The following MORC1 variants were observed in gnomAD, a reference collection of about 807,000 sequenced individuals.
MORC1 encodes the protein MORC family CW-type zinc finger protein 1.
In MORC1, 59 loss-of-function variants were observed where a neutral mutation model predicts 134.9. The ratio of observed to expected loss-of-function variants is 0.44; its 90% CI spans 0.35 to 0.54. The LOEUF (loss-of-function observed/expected upper bound fraction) is 0.54, where lower values mean the gene tolerates loss of function less well. MORC1 is among the 20% of genes least tolerant of loss of function. The pLI is 0.00. For missense variants in MORC1, 947 were observed against 1,134.5 expected (o/e 0.83, Z 2.37); for synonymous variants, 395 against 391.7 (o/e 1.01, Z -0.10).
chr3:109,015,666 A>G (rs919703665), intron 17 of MORC1, among the ~76,000 whole-genome samples: 2 of 152,220 alleles, frequency 1.3e-5, no homozygotes, highest in East Asian at 3.8e-4. Context: ...TCATATGCAT[A>G]GAAACTTCTT....
At chr3:109,093,373 G>T (rs1950766277) in intron 8 of MORC1, 63 bp downstream of exon 8, 3 of 1,228,224 alleles carry the variant, frequency 2.4e-6, no homozygotes, top group Non-Finnish European at 3.6e-6. Context: ...GAGCCAGGAT[G>T]CAGGGCTCCT....
chr3:109,063,321 A>T (rs941953801), intron 9 of MORC1, 90 bp from the exon 10 acceptor site: 2 of 697,330 alleles, frequency 2.9e-6, no homozygotes, highest in Admixed American at 4.8e-5. Flanking sequence ...TATGCTCCAG[A>T]GATACATAAT....
chr3:108,996,116 A>T (rs959408166), intron 21 of MORC1, among the ~76,000 whole-genome samples: 2 of 152,102 alleles, frequency 1.3e-5, no homozygotes, highest in African/African-American at 4.8e-5. Context: ...AATTTTTCCC[A>T]TCTGTAAAAT....
chr3:109,023,564 T>A (rs898033556), intron 17 of MORC1, among the ~76,000 whole-genome samples: 5 of 152,176 alleles, frequency 3.3e-5, no homozygotes, highest in African/African-American at 1.2e-4. Flanking sequence ...GGATTTTAGA[T>A]GGTACCATAA....
At chr3:108,983,797 G>A (rs1388419900) in intron 23 of MORC1, among the ~76,000 whole-genome samples, 2 of 152,186 alleles carry the variant, frequency 1.3e-5, no homozygotes, top group Non-Finnish European at 2.9e-5. Context: ...AAATGAAAGG[G>A]TAACTGACAC....
At chr3:109,018,913 C>T (rs1948888573) in intron 17 of MORC1, 1 of 152,148 alleles carries the variant, frequency 6.6e-6, no homozygotes, top group Non-Finnish European at 1.5e-5. Flanking sequence ...AGGAACTCCT[C>T]GACTGTGTCC....
In MORC1 at chr3:109,062,028, T is replaced by C; in HGVS notation, c.926A>G (p.Lys309Arg). 2 of 1,614,092 alleles carry C rather than the reference T, an allele frequency of 1.2e-6. No individual in the cohort carries two copies. The highest frequency in any genetic ancestry group is 1.7e-6 in the Non-Finnish European group (2 of 1,179,976). Residue 309 changes from lysine to arginine, a missense_variant, in exon 11 of 28, where the codon AAA becomes AGA. This residue lies in a region of MORC1 where 722 missense variants were observed against 817.0 expected (regional missense o/e 0.88). Coordinates refer to ENST00000232603, the MANE Select transcript of MORC1 (RefSeq NM_014429.4). ...AGAGGTTCTGTCACACTGGTTTACTTTGATTTGTGCTTCTTTCAATATGGA... is the reference window on the plus strand; with the variant it reads ...AGAGGTTCTGTCACACTGGTTTACTCTGATTTGTGCTTCTTTCAATATGGA... ...AESILKEAQI[K>R]VNQCDRTSLS...
At chr3:109,027,693 A>ATT in intron 17 of MORC1, 58 bp downstream of exon 17, 1 of 1,606,578 alleles carries the variant, frequency 6.2e-7, no homozygotes, top group Admixed American at 1.7e-5. Flanking sequence ...ATTTGCACAT[A>ATT]TGAAACCAAC....
intron 24 of MORC1, among the ~76,000 whole-genome samples, chr3:108,972,289 G>C (rs1435723415): frequency 1.3e-5 from 2 of 152,006 alleles, no homozygotes; most frequent in African/African-American, 2.4e-5. Flanking sequence ...AAAGTGTATA[G>C]TATTCTAATG....
intron 14 of MORC1, among the ~76,000 whole-genome samples, chr3:109,036,641 A>G (rs1486857150): frequency 6.6e-6 from 1 of 152,138 alleles, no homozygotes; most frequent in Admixed American, 6.5e-5. Context: ...TAAATGACCT[A>G]ACACTTTATT....
intron 11 of MORC1, among the ~76,000 whole-genome samples, chr3:109,060,757 G>T (rs1019224266): frequency 1.3e-5 from 2 of 152,018 alleles, no homozygotes; most frequent in Non-Finnish European, 2.9e-5. Context: ...GGACAAATTG[G>T]TCAAGGACTT....
In MORC1 at chr3:108,963,527, C is replaced by T. The variant is rs143747614; in HGVS notation, c.2686G>A (p.Gly896Arg). The change falls in exon 27 of 28, where the codon GGA becomes AGA. Residue 896 changes from glycine (G) to arginine (R), a missense_variant. By Grantham distance (125) the Gly-to-Arg change is moderately radical. Coordinates refer to ENST00000232603, the MANE Select transcript of MORC1 (RefSeq NM_014429.4). ...CCCAGAGAGATTTCATTATGTATTCCTCTTGTATTTGAATCATAGATAATG... is the reference window on the plus strand; with the variant it reads ...CCCAGAGAGATTTCATTATGTATTCTTCTTGTATTTGAATCATAGATAATG... ...QSIIYDSNTRGIHNEISLGQC... is the reference protein window; with the variant it reads ...QSIIYDSNTRRIHNEISLGQC... The T allele has an allele frequency of 3.7e-6, 6 of 1,606,478 alleles. No individual in the cohort carries two copies. Among genetic ancestry groups the T allele is most frequent in the Non-Finnish European group, 5.1e-6 (6 of 1,175,332 alleles).
chr3:109,114,540 T>C, intron 1 of MORC1, 103 bp from the exon 2 acceptor site: 3 of 953,174 alleles, frequency 3.1e-6, no homozygotes, highest in Non-Finnish European at 4.8e-6. Flanking sequence ...TCCAGACATC[T>C]AGTGAATTAA....
At chr3:109,075,299 T>C (rs1014247825) in intron 8 of MORC1, among the ~76,000 whole-genome samples, 6 of 152,122 alleles carry the variant, frequency 3.9e-5, no homozygotes, top group Admixed American at 1.3e-4. Flanking sequence ...CTATTAATAG[T>C]GTGAAGAATA....
chr3:109,042,249 G>T (rs532312970), intron 14 of MORC1, among the ~76,000 whole-genome samples: 25 of 152,268 alleles, frequency 1.6e-4, no homozygotes, highest in African/African-American at 5.8e-4. Context: ...TTCCACTGCT[G>T]GGTATATACA....
intron 8 of MORC1, among the ~76,000 whole-genome samples, chr3:109,090,227 T>C (rs770370683): frequency 1.3e-5 from 2 of 152,104 alleles, no homozygotes; most frequent in Non-Finnish European, 2.9e-5. Context: ...TTGACGTGAT[T>C]GTCATCTTGA....
intron 16 of MORC1, among the ~76,000 whole-genome samples, chr3:109,031,638 G>A (rs1949243409): frequency 6.6e-6 from 1 of 152,128 alleles, no homozygotes; most frequent in African/African-American, 2.4e-5. Flanking sequence ...TCTTAGCCTG[G>A]ATTTGCGTTT....
In MORC1 at chr3:108,987,992, T is replaced by A. The variant is rs567145337; in HGVS notation, c.2188-1043A>T. On this transcript the variant is annotated intron_variant, in intron 21 of 27. Coordinates refer to ENST00000232603, the MANE Select transcript of MORC1 (RefSeq NM_014429.4). ...ACGCAACCATGTCCCCATCTGTTAC[T>A]TCATGTAAGATAGGGAGCTGTCAGG... 2.0e-5 allele frequency among the ~76,000 whole-genome samples: 3 copies of A among 152,272 alleles called. No individual in the cohort carries two copies. In the South Asian group the frequency reaches 6.2e-4, roughly 32 times the overall value.
chr3:109,075,680 C>T (rs9846684), intron 8 of MORC1, among the ~76,000 whole-genome samples: 29,081 of 152,138 alleles, frequency 0.19, 3,321 homozygotes, highest in Middle Eastern at 0.32. Context: ...GTACCAGTAC[C>T]ATGCTGTTTT....
Sources: gnomAD v4.1 joint callset for allele counts (sites outside exome capture counted in the v4.1 genomes callset) on GRCh38, gnomAD v4.1.1 for gene constraint, gnomAD v4.1.1 regional missense constraint, MANE v1.5 for transcripts, NCBI Gene and HGNC (gene_info 2026-07-23, HGNC 2026-07-21) for gene names.